The following BEND5 variants were observed in gnomAD, a reference collection of about 807,000 sequenced individuals.
BEND5 encodes the protein BEN domain-containing protein 5.
A neutral mutation model predicts 43.9 loss-of-function variants in BEND5; 22 were observed. The ratio of observed to expected loss-of-function variants is 0.50; its 90% CI spans 0.36 to 0.72. BEND5 has a LOEUF of 0.72. Among genes scored for constraint, BEND5 ranks in the 30% least tolerant of loss-of-function variants. The pLI, the probability that BEND5 is intolerant of heterozygous loss-of-function variation, is 0.00. For synonymous variants in BEND5, 228 were observed against 225.9 expected, an observed-to-expected ratio of 1.01 and a Z score of -0.08; for missense variants, 428 against 550.6, an observed-to-expected ratio of 0.78 and a Z score of 2.23.
chr1:48,776,747 G>T lies in BEND5; in HGVS notation c.85C>A (p.Arg29=), dbSNP rs775844781. 25 of 1,527,478 alleles carry T rather than the reference G, an allele frequency of 1.6e-5. 1 individual carries two copies. In the South Asian group the frequency reaches 2.9e-4, roughly 18 times the overall value. The allele number at this position is 1,527,478 out of a possible 1,614,324, so 94.6% of individuals were successfully genotyped here. A position where few individuals can be genotyped will look rare whatever the true frequency, so the allele number is the denominator to read the frequency against. Reference sequence around the variant, plus strand: ...ACCTTCTGGTTGTCAAAATCCAGCCGCGAGCGGGGGCTGAAGTCGCGCACG... The same window carrying T: ...ACCTTCTGGTTGTCAAAATCCAGCCTCGAGCGGGGGCTGAAGTCGCGCACG... ...SCVRDFSPRS[R]LDFDNQKVYA... Residue 29 remains arginine (R), a synonymous_variant, in exon 1 of 6, where the codon CGG becomes AGG. Coordinates refer to ENST00000371833, the MANE Select transcript of BEND5 (RefSeq NM_024603.4).
chr1:48,749,231 C>T (rs576846129), intron 3 of BEND5, among the ~76,000 whole-genome samples: 1 of 152,106 alleles, frequency 6.6e-6, no homozygotes, highest in Non-Finnish European at 1.5e-5. Flanking sequence ...TCAAATGTAT[C>T]TCTCTTTTTT....
chr1:48,751,109 A>T (rs1268972794), intron 3 of BEND5, among the ~76,000 whole-genome samples: 1 of 152,222 alleles, frequency 6.6e-6, no homozygotes, highest in Non-Finnish European at 1.5e-5. Context: ...TCAGTTGTCC[A>T]TCTATAAGAT....
At chr1:48,739,432 C>T (rs1409055857) in intron 4 of BEND5, among the ~76,000 whole-genome samples, 1 of 152,186 alleles carries the variant, frequency 6.6e-6, no homozygotes, top group African/African-American at 2.4e-5. Flanking sequence ...CCATTCTGTT[C>T]ACTACTACTT....
intron 4 of BEND5, among the ~76,000 whole-genome samples, chr1:48,738,142 C>G (rs1649352937): frequency 6.6e-6 from 1 of 152,174 alleles, no homozygotes; most frequent in African/African-American, 2.4e-5. Context: ...GCAGTCAGGT[C>G]AGCCAGCAAA....
At chr1:48,750,304 C>T (rs1651487319) in intron 3 of BEND5, among the ~76,000 whole-genome samples, 1 of 152,174 alleles carries the variant, frequency 6.6e-6, no homozygotes, top group South Asian at 2.1e-4. Context: ...TCTATGTCTG[C>T]AACCTCATCT....
intron 1 of BEND5, among the ~76,000 whole-genome samples, chr1:48,765,347 A>G (rs1426910148): frequency 6.6e-6 from 1 of 152,238 alleles, no homozygotes; most frequent in African/African-American, 2.4e-5. Flanking sequence ...AGGGAAATGC[A>G]AATCAAAACT....
chr1:48,758,814 C>T, intron 3 of BEND5, 86 bp downstream of exon 3: 1 of 1,274,538 alleles, frequency 7.8e-7, no homozygotes, highest in Non-Finnish European at 1.1e-6. Flanking sequence ...CACTTGGTCT[C>T]CCTCTCCCCT....
chr1:48,763,889 C>T (rs1487912822), intron 1 of BEND5, among the ~76,000 whole-genome samples: 1 of 152,150 alleles, frequency 6.6e-6, no homozygotes. Context: ...AACAGGGTCC[C>T]CATCCTGGAG....
intron 1 of BEND5, among the ~76,000 whole-genome samples, chr1:48,768,887 G>A (rs988702934): frequency 3.9e-5 from 6 of 152,260 alleles, no homozygotes; most frequent in Admixed American, 3.3e-4. Context: ...TTCTCTGGCC[G>A]ATGGTGTTTG....
At chr1:48,758,492 T>C (rs1008979860) in intron 3 of BEND5, among the ~76,000 whole-genome samples, 6 of 152,206 alleles carry the variant, frequency 3.9e-5, no homozygotes, top group African/African-American at 1.4e-4. Flanking sequence ...GCATTCTCCT[T>C]TGGCATTTAT....
chr1:48,761,376 T>G lies in BEND5; in HGVS notation c.321A>C (p.Lys107Asn). 6 of 1,552,050 alleles carry G rather than the reference T, an allele frequency of 3.9e-6. No individual in the cohort carries two copies. The highest frequency in any genetic ancestry group is 5.2e-6 in the Non-Finnish European group (6 of 1,147,048). The change falls in exon 2 of 6, where the codon AAA becomes AAC. Residue 107 changes from lysine (K) to asparagine (N), a missense_variant. By Grantham distance (94) the Lys-to-Asn change is moderately conservative. Around this residue, in one of 4 missense-constraint regions of BEND5, gnomAD observed 243 missense variants for 286.4 expected, o/e 0.85. Coordinates refer to ENST00000371833, the MANE Select transcript of BEND5 (RefSeq NM_024603.4). The part of the protein sequence containing the change: ...LNHVEEDGEV[K>N]DYGEEDLQLR... ...GCTGTAAATCTTCTTCCCCATAATCTTTAACCTCTCCATCTTCTTCTACAT... is the reference window on the plus strand; with the variant it reads ...GCTGTAAATCTTCTTCCCCATAATCGTTAACCTCTCCATCTTCTTCTACAT...
rs1291917128 is a variant in BEND5 at position 48,751,466 on chromosome 1, C to A, written c.745+7434G>T. On this transcript the variant is annotated intron_variant, in intron 3 of 5. Transcript: ENST00000371833. ...CCTCAGTTTTGAAACCTGGTTCTAC[C>A]CTTTCCTGGGTGTGTGGCCTCAGGC... Among the ~76,000 whole-genome samples the A allele has an allele frequency of 3.9e-5, 6 of 152,192 alleles. No individual in the cohort carries two copies. The East Asian group carries it at 1.2e-3, about 29-fold the overall frequency.
At position 48,761,389 on chromosome 1, in the gene BEND5, T is replaced by C. The variant is rs1644248541; in HGVS notation, c.308A>G (p.Asp103Gly). 1 of 1,551,846 alleles carries C rather than the reference T, an allele frequency of 6.4e-7. No individual in the cohort carries two copies. Among genetic ancestry groups the C allele is most frequent in the South Asian group, 1.2e-5 (1 of 84,068 alleles). ...TTCCCCATAATCTTTAACCTCTCCA[T>C]CTTCTTCTACATGATTAAGAGAAAG... Reference protein sequence around the residue: ...PKLSLNHVEEDGEVKDYGEED... With the variant: ...PKLSLNHVEEGGEVKDYGEED... Residue 103 changes from aspartate (D) to glycine (G), a missense_variant, in exon 2 of 6, where the codon GAT becomes GGT. This residue lies in a region of BEND5 where 243 missense variants were observed against 286.4 expected (regional missense o/e 0.85). Coordinates refer to ENST00000371833, the MANE Select transcript of BEND5 (RefSeq NM_024603.4).
intron 3 of BEND5, among the ~76,000 whole-genome samples, chr1:48,744,919 T>G (rs183478047): frequency 1.5e-4 from 23 of 152,358 alleles, no homozygotes; most frequent in Admixed American, 7.2e-4. Flanking sequence ...CTCATCTGTC[T>G]GCCAAGCACC....
intron 2 of BEND5, 146 bp from the exon 3 acceptor site, chr1:48,759,430 C>G: frequency 7.5e-7 from 1 of 1,333,352 alleles, no homozygotes; most frequent in Non-Finnish European, 9.8e-7. Context: ...TTAGTCAAAG[C>G]CCTTCATTTT....
intron 1 of BEND5, among the ~76,000 whole-genome samples, chr1:48,765,474 T>C (rs1403928089): frequency 1.3e-5 from 2 of 152,220 alleles, no homozygotes; most frequent in Non-Finnish European, 2.9e-5. Context: ...CTGGGTATTG[T>C]AGAATGGGCA....
intron 3 of BEND5, among the ~76,000 whole-genome samples, chr1:48,743,520 T>A (rs766035807): frequency 2.6e-5 from 4 of 152,190 alleles, no homozygotes; most frequent in Non-Finnish European, 5.9e-5. Flanking sequence ...AATGGGTAAA[T>A]AAGGCCAAAT....
chr1:48,766,209 C>T (rs755501803), intron 1 of BEND5, among the ~76,000 whole-genome samples: 2 of 152,104 alleles, frequency 1.3e-5, no homozygotes, highest in Non-Finnish European at 2.9e-5. Context: ...GTATTATAAG[C>T]CACATTTTTT....
In BEND5 at chr1:48,776,709, G is replaced by A; in HGVS notation, c.123C>T (p.Tyr41=). Residue 41 remains tyrosine (Y), a synonymous_variant, in exon 1 of 6, where the codon TAC becomes TAT. Transcript: ENST00000371833. ...DFDNQKVYAV[Y]RGPEELGAGP... ...CGGCGCCCAATTCCTCCGGGCCCCG[G>A]TACACGGCGTACACCTTCTGGTTGT... is the stretch of plus-strand genomic sequence containing the variant. 3 of 1,522,666 alleles carry A rather than the reference G, an allele frequency of 2.0e-6. No individual in the cohort carries two copies. The highest frequency in any genetic ancestry group is 2.6e-6 in the Non-Finnish European group (3 of 1,135,882). 94.3% of individuals were successfully genotyped at this position (1,522,666 alleles called of 1,614,324 possible).
Sources: gnomAD v4.1 joint callset for allele counts (sites outside exome capture counted in the v4.1 genomes callset) on GRCh38, gnomAD v4.1.1 for gene constraint, gnomAD v4.1.1 regional missense constraint, MANE v1.5 for transcripts, NCBI Gene and HGNC (gene_info 2026-07-23, HGNC 2026-07-21) for gene names.